COL25A1: variants seen among roughly 807,000 people sequenced by gnomAD.
COL25A1 encodes the protein collagen type XXV alpha 1 chain.
A neutral mutation model predicts 128.4 loss-of-function variants in COL25A1; 103 were observed. The observed-to-expected ratio is 0.80, with a 90% confidence interval of 0.68 to 0.94. COL25A1 has a LOEUF of 0.94. Among genes scored for constraint, COL25A1 ranks in the 40% least tolerant of loss-of-function variants. The pLI, the probability that COL25A1 is intolerant of heterozygous loss-of-function variation, is 0.00. For missense variants in COL25A1, 745 were observed against 840.0 expected, an observed-to-expected ratio of 0.89 and a Z score of 1.40; for synonymous variants, 279 against 277.2, an observed-to-expected ratio of 1.01 and a Z score of -0.06.
chr4:108,900,093 A>G (rs1188836337), intron 14 of COL25A1, among the ~76,000 whole-genome samples: 1 of 152,136 alleles, frequency 6.6e-6, no homozygotes, highest in Non-Finnish European at 1.5e-5. Flanking sequence ...GTTTGGAAGC[A>G]AGACTCTTTT....
At chr4:108,899,728 G>A (rs531663325) in intron 14 of COL25A1, among the ~76,000 whole-genome samples, 73 of 152,188 alleles carry the variant, frequency 4.8e-4, no homozygotes, top group African/African-American at 1.7e-3. Context: ...TTCTGGTAAA[G>A]AGCATGTTCC....
At chr4:109,189,866 A>C (rs1775448156) in intron 3 of COL25A1, among the ~76,000 whole-genome samples, 1 of 152,098 alleles carries the variant, frequency 6.6e-6, no homozygotes, top group African/African-American at 2.4e-5. Context: ...GAGCTTTTTT[A>C]CATTAAGTTT....
chr4:108,973,605 T>A, intron 8 of COL25A1, among the ~76,000 whole-genome samples: 1 of 152,350 alleles, frequency 6.6e-6, no homozygotes, highest in East Asian at 1.9e-4. Flanking sequence ...AAAATTACTC[T>A]ATTCAACCAA....
At chr4:109,285,490 C>T (rs1228267096) in intron 3 of COL25A1, among the ~76,000 whole-genome samples, 2 of 152,200 alleles carry the variant, frequency 1.3e-5, no homozygotes, top group East Asian at 3.8e-4. Flanking sequence ...CTCTCTCCAA[C>T]ACTGAGATTC....
intron 3 of COL25A1, among the ~76,000 whole-genome samples, chr4:109,287,049 C>T (rs1178075212): frequency 6.6e-6 from 1 of 152,126 alleles, no homozygotes; most frequent in African/African-American, 2.4e-5. Flanking sequence ...TATCATAATA[C>T]ACACACACAA....
chr4:109,085,715 G>A (rs555147229), intron 3 of COL25A1, among the ~76,000 whole-genome samples: 27 of 152,138 alleles, frequency 1.8e-4, no homozygotes, highest in Admixed American at 1.5e-3. Flanking sequence ...TCCTCCCTTT[G>A]GGGATTTGGC....
At chr4:109,009,540 AT>A (rs1256891264) in intron 6 of COL25A1, among the ~76,000 whole-genome samples, 1 of 152,236 alleles carries the variant, frequency 6.6e-6, no homozygotes, top group African/African-American at 2.4e-5. Context: ...TATCATGAAA[AT>A]GGCTTATTTG....
chr4:108,889,638 A>T, intron 17 of COL25A1, 63 bp downstream of exon 17: 1 of 1,377,632 alleles, frequency 7.3e-7, no homozygotes, highest in African/African-American at 1.4e-5. Context: ...GAGAGAAAGT[A>T]GAGGCCTATA....
intron 11 of COL25A1, among the ~76,000 whole-genome samples, chr4:108,922,210 T>C (rs1745567432): frequency 6.6e-6 from 1 of 152,184 alleles, no homozygotes; most frequent in African/African-American, 2.4e-5. Context: ...GGAAAGTAAA[T>C]GTTCGTGCTA....
At chr4:108,990,428 C>A (rs903825495) in intron 6 of COL25A1, among the ~76,000 whole-genome samples, 3 of 151,460 alleles carry the variant, frequency 2.0e-5, no homozygotes, top group Non-Finnish European at 4.4e-5. Context: ...ACTTTGCTCT[C>A]TTTAAAGAAA....
At chr4:108,849,190 C>T (rs1735470866) in intron 26 of COL25A1, among the ~76,000 whole-genome samples, 1 of 152,046 alleles carries the variant, frequency 6.6e-6, no homozygotes. Context: ...CTCTCACTTT[C>T]CAATTTCAGT....
intron 3 of COL25A1, among the ~76,000 whole-genome samples, chr4:109,153,247 T>C (rs956631467): frequency 6.6e-6 from 1 of 151,404 alleles, no homozygotes; most frequent in African/African-American, 2.4e-5. Context: ...TAGCTGGGCG[T>C]GGTAGCTCAT....
chr4:109,200,022 A>G (rs1000424390), intron 3 of COL25A1, among the ~76,000 whole-genome samples: 3 of 152,338 alleles, frequency 2.0e-5, no homozygotes, highest in South Asian at 4.1e-4. Flanking sequence ...AGCTTAAACT[A>G]ACTGACACAC....
chr4:109,109,867 C>T (rs187747182), intron 3 of COL25A1, among the ~76,000 whole-genome samples: 5 of 152,330 alleles, frequency 3.3e-5, no homozygotes, highest in Admixed American at 2.6e-4. Flanking sequence ...TCCTCACTGA[C>T]ACTCGTACCC....
At chr4:109,192,309 A>G (rs1382458205) in intron 3 of COL25A1, among the ~76,000 whole-genome samples, 1 of 152,160 alleles carries the variant, frequency 6.6e-6, no homozygotes, top group East Asian at 1.9e-4. Context: ...GTGGTGAAAG[A>G]AAAAAGGCAG....
At chr4:109,106,300 A>G (rs1290515453) in intron 3 of COL25A1, among the ~76,000 whole-genome samples, 1 of 152,156 alleles carries the variant, frequency 6.6e-6, no homozygotes, top group Admixed American at 6.5e-5. Context: ...TTTCTGTCCC[A>G]ACTCCTCCTA....
intron 5 of COL25A1, chr4:109,022,193 C>T (rs1242206607): frequency 2.6e-5 from 12 of 453,046 alleles, no homozygotes; most frequent in South Asian, 1.6e-4. Flanking sequence ...TTGCCCCTGG[C>T]GGCCCAGCTG....
intron 13 of COL25A1, among the ~76,000 whole-genome samples, chr4:108,903,457 C>G (rs776781611): frequency 1.3e-5 from 2 of 151,986 alleles, no homozygotes. Context: ...GTTTAATCAT[C>G]TATCAAAGTC....
chr4:109,122,708 G>A (rs1768215675), intron 3 of COL25A1, among the ~76,000 whole-genome samples: 1 of 152,062 alleles, frequency 6.6e-6, no homozygotes, highest in African/African-American at 2.4e-5. Flanking sequence ...GACATTTGGA[G>A]CTGTGAATGT....
Sources: allele counts gnomAD v4.1 joint callset (sites outside exome capture counted in the v4.1 genomes callset), GRCh38; gene constraint gnomAD v4.1.1; transcripts MANE v1.5; gene names NCBI Gene and HGNC (gene_info 2026-07-23, HGNC 2026-07-21).